The following EPM2A variants were observed in gnomAD, a reference collection of about 807,000 sequenced individuals.
The protein encoded by EPM2A is EPM2A glucan phosphatase, laforin, also known as laforin.
A neutral mutation model predicts 26.5 loss-of-function variants in EPM2A; 21 were observed. That is an observed-to-expected ratio of 0.79 (90% confidence interval 0.56 to 1.14). EPM2A has a LOEUF of 1.14. Among genes scored for constraint, EPM2A ranks in the 50% most tolerant of loss-of-function variants. The pLI is 0.00. For synonymous variants in EPM2A, 217 were observed against 177.6 expected, an observed-to-expected ratio of 1.22 and a Z score of -1.76; for missense variants, 458 against 440.8, an observed-to-expected ratio of 1.04 and a Z score of -0.35.
intron 2 of EPM2A, among the ~76,000 whole-genome samples, chr6:145,540,261 T>A (rs1255833713): frequency 6.6e-6 from 1 of 152,074 alleles, no homozygotes; most frequent in Non-Finnish European, 1.5e-5. Flanking sequence ...AAAACACTGG[T>A]GGAAAAAAAC....
intron 4 of EPM2A, among the ~76,000 whole-genome samples, chr6:145,494,418 T>G (rs998358133): frequency 3.3e-5 from 5 of 152,176 alleles, no homozygotes; most frequent in Non-Finnish European, 2.9e-5. Context: ...ATTTAATTAT[T>G]TTTTCTCAAA....
intron 4 of EPM2A, among the ~76,000 whole-genome samples, chr6:145,422,262 A>G (rs1778798877): frequency 6.8e-6 from 1 of 147,186 alleles, no homozygotes; most frequent in Admixed American, 6.8e-5. Context: ...ATATAACTAT[A>G]TATAATTATA....
chr6:145,543,631 T>C (rs1016775169), intron 2 of EPM2A, among the ~76,000 whole-genome samples: 6 of 152,222 alleles, frequency 3.9e-5, no homozygotes, highest in African/African-American at 1.4e-4. Context: ...TAGTTTTTCA[T>C]CAAAGAAGGG....
downstream of EPM2A, among the ~76,000 whole-genome samples, chr6:145,624,505 C>T (rs73568386): frequency 0.01 from 1,551 of 152,318 alleles, 22 homozygotes; most frequent in African/African-American, 0.035. Context: ...AATAAATCTC[C>T]GAACCTTTCT....
chr6:145,735,635 G>C (rs1310622676), upstream of EPM2A: 1 of 1,083,074 alleles, frequency 9.2e-7, no homozygotes, highest in East Asian at 5.7e-5. Flanking sequence ...GCTGTTCTGC[G>C]CCTTCTTTGG....
At chr6:145,593,429 C>T (rs770131461) in intron 2 of EPM2A, among the ~76,000 whole-genome samples, 2 of 152,066 alleles carry the variant, frequency 1.3e-5, no homozygotes, top group African/African-American at 2.4e-5. Context: ...TGAATCAACT[C>T]GCTCTAGTTG....
At chr6:145,709,491 A>G (rs2128630994) in intron 1 of EPM2A, among the ~76,000 whole-genome samples, 2 of 152,274 alleles carry the variant, frequency 1.3e-5, no homozygotes, top group South Asian at 4.1e-4. Flanking sequence ...GCCCGCCGCC[A>G]TGTAAGATAT....
At chr6:145,542,144 C>G (rs967036066) in intron 2 of EPM2A, among the ~76,000 whole-genome samples, 2 of 152,182 alleles carry the variant, frequency 1.3e-5, no homozygotes, top group African/African-American at 4.8e-5. Context: ...CATATAGGCA[C>G]TAAAGCTTCT....
At chr6:145,683,149 G>C (rs887256707) in intron 2 of EPM2A, among the ~76,000 whole-genome samples, 1 of 151,926 alleles carries the variant, frequency 6.6e-6, no homozygotes, top group African/African-American at 2.4e-5. Flanking sequence ...TTTTTAAGGG[G>C]AGTTGGACTG....
chr6:145,705,501 G>A (rs907174779), intron 1 of EPM2A: 36 of 451,136 alleles, frequency 8.0e-5, no homozygotes, highest in Non-Finnish European at 1.5e-4. Context: ...GCTGCAGTGA[G>A]GCAAGATTAC....
intron 2 of EPM2A, among the ~76,000 whole-genome samples, chr6:145,559,909 G>A (rs1305070211): frequency 1.3e-5 from 2 of 152,024 alleles, no homozygotes; most frequent in Non-Finnish European, 2.9e-5. Flanking sequence ...TGTAATCTAA[G>A]TAGTTATGAA....
chr6:145,577,756 C>T (rs1303618701), intron 2 of EPM2A, among the ~76,000 whole-genome samples: 4 of 152,014 alleles, frequency 2.6e-5, no homozygotes, highest in Non-Finnish European at 2.9e-5. Context: ...ACATTCTTCT[C>T]ATTAGCACAT....
At chr6:145,630,061 T>C (rs375957760) in intron 3 of EPM2A, 1 of 152,252 alleles carries the variant, frequency 6.6e-6, no homozygotes, top group Non-Finnish European at 1.5e-5. Context: ...TTTCATTTTA[T>C]GTGTAAAACA....
intron 2 of EPM2A, among the ~76,000 whole-genome samples, chr6:145,557,689 T>G (rs1780747444): frequency 6.6e-6 from 1 of 152,150 alleles, no homozygotes; most frequent in African/African-American, 2.4e-5. Flanking sequence ...TCATAGCTAA[T>G]TCAAGAAAAT....
intron 3 of EPM2A, chr6:145,630,741 T>A (rs1384469868): frequency 2.0e-5 from 3 of 152,254 alleles, no homozygotes; most frequent in Non-Finnish European, 4.4e-5. Context: ...TGATGGTAGA[T>A]AACATTTATT....
At chr6:145,462,379 G>A (rs945762842) in intron 4 of EPM2A, among the ~76,000 whole-genome samples, 104 of 152,036 alleles carry the variant, frequency 6.8e-4, no homozygotes, top group African/African-American at 2.4e-3. Context: ...AAGTCAAATG[G>A]GAAATTTACA....
rs1356645144 is a variant in EPM2A, at chr6:145,735,504, G to A, written c.-6C>T. 8.4e-7 allele frequency: 1 copy of A among 1,184,966 alleles called. No individual in the cohort carries two copies. Among genetic ancestry groups the A allele is most frequent in the Non-Finnish European group, 1.0e-6 (1 of 958,002 alleles). 73.4% of individuals were successfully genotyped at this position (1,184,966 alleles called of 1,614,324 possible). A position where few individuals can be genotyped will look rare whatever the true frequency, so the allele number is the denominator to read the frequency against. On this transcript the variant is annotated 5_prime_UTR_variant, in exon 1 of 4. Coordinates refer to ENST00000367519, the MANE Select transcript of EPM2A (RefSeq NM_005670.4). ...ACCCCAAAGCGGAAGCGCATGGCGG[G>A]CGGCGGCGGCGCGAATACCCGGGCC...
chr6:145,616,723 A>AC (rs760173956), intron 2 of EPM2A, among the ~76,000 whole-genome samples: 5 of 152,238 alleles, frequency 3.3e-5, no homozygotes, highest in Non-Finnish European at 5.9e-5. Context: ...TGGACATGAG[A>AC]CATGGAGTCA....
chr6:145,520,304 C>T (rs1209786663), intron 2 of EPM2A, among the ~76,000 whole-genome samples: 2 of 152,158 alleles, frequency 1.3e-5, no homozygotes, highest in Non-Finnish European at 2.9e-5. Context: ...CTCCTAATTC[C>T]AGTACTCAAC....
Sources: gnomAD v4.1 joint callset for allele counts (sites outside exome capture counted in the v4.1 genomes callset) on GRCh38, gnomAD v4.1.1 for gene constraint, MANE v1.5 for transcripts, NCBI Gene and HGNC (gene_info 2026-07-23, HGNC 2026-07-21) for gene names.